THSD7B: variants seen among roughly 807,000 people sequenced by gnomAD.
THSD7B encodes thrombospondin type-1 domain-containing protein 7B.
Under a neutral mutation model 213.6 loss-of-function variants are expected in THSD7B, and 138 were observed. That is an observed-to-expected ratio of 0.65 (90% CI 0.56 to 0.74). The LOEUF is 0.74. THSD7B is among the 30% of genes least tolerant of loss of function. THSD7B has a pLI of 0.00. For synonymous variants in THSD7B, 742 were observed against 687.0 expected (o/e 1.08, Z -1.25); for missense variants, 1,931 against 1,991.5 (o/e 0.97, Z 0.58).
At chr2:137,353,756 A>C (rs1685065666) in intron 12 of THSD7B, among the ~76,000 whole-genome samples, 1 of 152,128 alleles carries the variant, frequency 6.6e-6, no homozygotes, top group African/African-American at 2.4e-5. Context: ...AGTATAATAG[A>C]AGCTTCAACC....
chr2:137,089,382 T>C (rs950144264), intron 3 of THSD7B, among the ~76,000 whole-genome samples: 1 of 117,142 alleles, frequency 8.5e-6, no homozygotes, highest in Non-Finnish European at 1.7e-5. Context: ...GTATATATAC[T>C]AGTGTGTATA....
intron 2 of THSD7B, among the ~76,000 whole-genome samples, chr2:136,971,598 G>A (rs1446494294): frequency 7.2e-6 from 1 of 138,504 alleles, no homozygotes; most frequent in African/African-American, 2.6e-5. Context: ...TTACATAGAT[G>A]CAGAACACAA....
chr2:137,134,840 T>G lies in THSD7B; in HGVS notation c.1369+19547T>G, dbSNP rs184967534. On this transcript the variant is annotated intron_variant, in intron 5 of 27. Coordinates refer to ENST00000409968, the MANE Select transcript of THSD7B (RefSeq NM_001316349.2). ...TTTCTACCCTTTTTCAGATGTAGAATAGGATTTCATTAACAGCAGTAACAA... is the reference window on the plus strand; with the variant it reads ...TTTCTACCCTTTTTCAGATGTAGAAGAGGATTTCATTAACAGCAGTAACAA... Among the ~76,000 whole-genome samples the G allele has an allele frequency of 1.1e-4, 17 of 152,294 alleles. No homozygotes were observed. The East Asian group carries it at 3.1e-3, about 28-fold the overall frequency.
intron 20 of THSD7B, among the ~76,000 whole-genome samples, chr2:137,631,663 T>A (rs1200134405): frequency 6.6e-6 from 1 of 152,224 alleles, no homozygotes; most frequent in East Asian, 1.9e-4. Flanking sequence ...TGCATGGTAT[T>A]CTTGATTGGG....
chr2:137,633,071 G>GTA (rs1311251206), intron 20 of THSD7B, among the ~76,000 whole-genome samples: 2 of 152,112 alleles, frequency 1.3e-5, no homozygotes, highest in East Asian at 3.9e-4. Context: ...GATCAGGACT[G>GTA]TAATTTTCCT....
intron 2 of THSD7B, among the ~76,000 whole-genome samples, chr2:136,936,406 A>G (rs190114883): frequency 3.9e-5 from 6 of 152,322 alleles, no homozygotes; most frequent in Admixed American, 2.6e-4. Context: ...AATTGCAAAA[A>G]TGTGGAACCA....
intron 12 of THSD7B, among the ~76,000 whole-genome samples, chr2:137,355,127 A>G (rs1002382622): frequency 2.0e-5 from 3 of 152,172 alleles, no homozygotes; most frequent in African/African-American, 7.2e-5. Context: ...TGAATATCAG[A>G]TCTCAAATAT....
intron 5 of THSD7B, among the ~76,000 whole-genome samples, chr2:137,118,893 C>A (rs1244869817): frequency 6.6e-6 from 1 of 152,162 alleles, no homozygotes; most frequent in Non-Finnish European, 1.5e-5. Context: ...TTTTACGTGG[C>A]AGCAGACAAG....
intron 7 of THSD7B, among the ~76,000 whole-genome samples, chr2:137,223,782 T>C (rs1030132916): frequency 6.6e-6 from 1 of 152,156 alleles, no homozygotes; most frequent in African/African-American, 2.4e-5. Flanking sequence ...ATCTCGAATA[T>C]TGGGAGGAGG....
At chr2:137,500,113 C>T (rs961119261) in intron 15 of THSD7B, among the ~76,000 whole-genome samples, 1 of 152,084 alleles carries the variant, frequency 6.6e-6, no homozygotes, top group Non-Finnish European at 1.5e-5. Flanking sequence ...CCCCCAATTC[C>T]AATCAAAGGC....
intron 16 of THSD7B, 99 bp downstream of exon 16, chr2:137,563,453 T>C: frequency 7.0e-7 from 1 of 1,425,480 alleles, no homozygotes. Flanking sequence ...ACTCTGATTT[T>C]CATAACATAT....
At chr2:137,032,655 CTGATAA>C (rs1686696865) in intron 2 of THSD7B, among the ~76,000 whole-genome samples, 1 of 152,104 alleles carries the variant, frequency 6.6e-6, no homozygotes, top group African/African-American at 2.4e-5. Context: ...GCTTCAAATC[CTGATAA>C]TGATAAACCT....
rs77516097 is a variant in THSD7B, at chr2:137,562,153, A to G, written c.3139-1068A>G. On this transcript the variant is annotated intron_variant, in intron 15 of 27. Transcript: ENST00000409968. The stretch of plus-strand genomic sequence containing the variant: ...ACATACAAGCAATGGTTCTGTTTGG[A>G]TAGTGCAACCTAGTTATCATTTACA... Among the ~76,000 whole-genome samples, 122 of 152,262 alleles carry G rather than the reference A, an allele frequency of 8.0e-4. 1 individual carries two copies. In the East Asian group the frequency reaches 0.022, roughly 28 times the overall value.
chr2:137,629,982 T>A (rs1233916298), intron 20 of THSD7B, among the ~76,000 whole-genome samples: 1 of 148,640 alleles, frequency 6.7e-6, no homozygotes, highest in Admixed American at 6.7e-5. Context: ...TGCATTTATT[T>A]GCGCCCAACT....
intron 3 of THSD7B, among the ~76,000 whole-genome samples, chr2:137,085,849 A>C (rs1687830023): frequency 6.6e-6 from 1 of 152,348 alleles, no homozygotes; most frequent in South Asian, 2.1e-4. Context: ...TAAATCAAGA[A>C]ATTTAAAAAC....
At chr2:136,924,277 C>T (rs557402153) in intron 2 of THSD7B, among the ~76,000 whole-genome samples, 10 of 152,128 alleles carry the variant, frequency 6.6e-5, no homozygotes, top group Non-Finnish European at 8.8e-5. Context: ...GATGATGTTT[C>T]ACCATGTTGG....
At chr2:136,980,877 G>A (rs1404425489) in intron 2 of THSD7B, among the ~76,000 whole-genome samples, 1 of 152,194 alleles carries the variant, frequency 6.6e-6, no homozygotes, top group African/African-American at 2.4e-5. Flanking sequence ...AGATCCCCTT[G>A]CTCCATGTGG....
chr2:136,917,920 T>C lies in THSD7B; in HGVS notation c.139+35603T>C, dbSNP rs148834869. On this transcript the variant is annotated intron_variant, in intron 2 of 27. Coordinates refer to ENST00000409968, the MANE Select transcript of THSD7B (RefSeq NM_001316349.2). ...TTAGCTGAAATATACTGGCTTAGGG[T>C]TAGGGGAAGACAATTCTAGAACACT... 7.2e-3 allele frequency among the ~76,000 whole-genome samples: 1,095 copies of C among 152,238 alleles called. 18 individuals carry two copies. The highest frequency in any genetic ancestry group is 0.025 in the African/African-American group (1,042 of 41,514).
At chr2:137,015,860 C>T (rs932753471) in intron 2 of THSD7B, among the ~76,000 whole-genome samples, 4 of 152,118 alleles carry the variant, frequency 2.6e-5, no homozygotes, top group African/African-American at 4.8e-5. Flanking sequence ...GAACCTGAAC[C>T]GGTGGCACAC....
Sources: allele counts gnomAD v4.1 joint callset (sites outside exome capture counted in the v4.1 genomes callset), GRCh38; gene constraint gnomAD v4.1.1; transcripts MANE v1.5; gene names NCBI Gene and HGNC (gene_info 2026-07-23, HGNC 2026-07-21).